PAG1: variants seen among roughly 807,000 people sequenced by gnomAD.
PAG1 encodes the protein phosphoprotein associated with glycosphingolipid-enriched microdomains 1.
Under a neutral mutation model 31.7 loss-of-function variants are expected in PAG1, and 23 were observed. That is an observed-to-expected ratio of 0.73 (90% confidence interval 0.52 to 1.03). The LOEUF (loss-of-function observed/expected upper bound fraction) is 1.03. PAG1 is among the 50% of genes least tolerant of loss of function. The pLI, the probability that PAG1 is intolerant of heterozygous loss-of-function variation, is 0.00. For missense variants in PAG1, 473 were observed against 540.7 expected (o/e 0.87, Z 1.24); for synonymous variants, 214 against 210.3 (o/e 1.02, Z -0.15).
chr8:80,984,058 C>T (rs1200069626), intron 7 of PAG1, among the ~76,000 whole-genome samples: 1 of 152,166 alleles, frequency 6.6e-6, no homozygotes. Flanking sequence ...AGAGAACCTT[C>T]CTCTTTTTCT....
intron 3 of PAG1, among the ~76,000 whole-genome samples, chr8:81,024,413 G>A (rs1299421368): frequency 1.3e-5 from 2 of 152,176 alleles, no homozygotes; most frequent in Non-Finnish European, 2.9e-5. Flanking sequence ...CCTCCAGGAT[G>A]GAGAGAATAC....
intron 2 of PAG1, among the ~76,000 whole-genome samples, chr8:81,048,810 T>C (rs540607908): frequency 6.6e-6 from 1 of 152,332 alleles, no homozygotes; most frequent in South Asian, 2.1e-4. Flanking sequence ...CCCATCTCCC[T>C]GCCTGGACAA....
chr8:81,025,985 C>T (rs558324721), intron 3 of PAG1, among the ~76,000 whole-genome samples: 15 of 152,234 alleles, frequency 9.9e-5, no homozygotes, highest in South Asian at 6.2e-4. Context: ...CGTGTTTAGA[C>T]GCATGGAGCC....
At chr8:80,979,880 G>T (rs79923821) in intron 8 of PAG1, among the ~76,000 whole-genome samples, 3 of 151,890 alleles carry the variant, frequency 2.0e-5, no homozygotes, top group Admixed American at 2.0e-4. Context: ...AATCTAACTC[G>T]TGAATTTTGC....
chr8:80,974,156 T>TC lies in PAG1; in HGVS notation c.*2387_*2388insG, dbSNP rs1381733791. 1.5e-5 allele frequency: 2 copies of TC among 136,260 alleles called. No homozygotes were observed. Among genetic ancestry groups the TC allele is most frequent in the African/African-American group, 2.9e-5 (1 of 34,460 alleles). 8.4% of individuals were successfully genotyped at this position (136,260 alleles called of 1,614,324 possible). ...TTTATGAGCTTTCTATAAAAAGTTT[T>TC]TTTTTTTTTTTTTTTTTTACTTTAG... On this transcript the variant is annotated 3_prime_UTR_variant, in exon 9 of 9. Coordinates refer to ENST00000220597, the MANE Select transcript of PAG1 (RefSeq NM_018440.4).
chr8:80,993,312 A>C lies in PAG1; in HGVS notation c.-80-5T>G. 1 of 1,374,902 alleles carries C rather than the reference A, an allele frequency of 7.3e-7. No homozygotes were observed. The highest frequency in any genetic ancestry group is 2.4e-5 in the East Asian group (1 of 41,782). The allele number at this position is 1,374,902 out of a possible 1,614,324, so 85.2% of individuals were successfully genotyped here. ...ATGGAGGCAGAGAGCTGTGTCCTGC[A>C]AAGAGACCAGTGCGTTTGGAGAGTA... On this transcript the variant is annotated splice_polypyrimidine_tract_variant and splice_region_variant and intron_variant, in intron 3 of 8. Transcript: ENST00000220597.
rs11303470 is a variant in PAG1, at chr8:80,991,858, CTT to C, written c.126-330_126-329del. ...CCTAAACTAGCAGAGTAAGTTATAC[CTT>C]TTTTTTTTTTTTTTTGAGAAAATGA... On this transcript the variant is annotated intron_variant, in intron 4 of 8. Transcript: ENST00000220597. 3.1e-3 allele frequency among the ~76,000 whole-genome samples: 434 copies of C among 138,706 alleles called. 1 individual carries two copies. The highest frequency in any genetic ancestry group is 0.01 in the African/African-American group (389 of 37,998). 91.0% of individuals were successfully genotyped at this position (138,706 alleles called of 152,430 possible). A position where few individuals can be genotyped will look rare whatever the true frequency, so the allele number is the denominator to read the frequency against.
intron 3 of PAG1, among the ~76,000 whole-genome samples, chr8:81,020,378 G>A (rs767445834): frequency 1.3e-5 from 2 of 152,154 alleles, no homozygotes. Flanking sequence ...ATCTTAAATT[G>A]TAGCTCCCAT....
chr8:81,059,908 T>C (rs1808890214), intron 2 of PAG1, among the ~76,000 whole-genome samples: 1 of 151,756 alleles, frequency 6.6e-6, no homozygotes, highest in Admixed American at 6.6e-5. Context: ...CCCAGCTACT[T>C]GTGGGGGGCT....
intron 3 of PAG1, among the ~76,000 whole-genome samples, chr8:80,998,897 T>G (rs1450302001): frequency 6.6e-6 from 1 of 152,168 alleles, no homozygotes; most frequent in African/African-American, 2.4e-5. Flanking sequence ...TGAAATATGG[T>G]CAAGGGCCCA....
At chr8:81,074,971 C>T (rs1463045668) in intron 1 of PAG1, among the ~76,000 whole-genome samples, 4 of 152,150 alleles carry the variant, frequency 2.6e-5, no homozygotes, top group Admixed American at 2.0e-4. Context: ...GGTTAGCAGG[C>T]TTAAAATTCA....
intron 5 of PAG1, among the ~76,000 whole-genome samples, chr8:80,989,203 G>A (rs1586146798): frequency 6.6e-6 from 1 of 152,126 alleles, no homozygotes; most frequent in Non-Finnish European, 1.5e-5. Flanking sequence ...GCTCATTCAC[G>A]TCTGATGAGC....
In PAG1 at chr8:80,975,187, C is replaced by A. The variant is rs1302677440; in HGVS notation, c.*1357G>T. ...TTGCAATATTGCCCACCATAAACCA[C>A]TGAAAATGATTATTTATGTATATTC... On this transcript the variant is annotated 3_prime_UTR_variant, in exon 9 of 9. Coordinates refer to ENST00000220597, the MANE Select transcript of PAG1 (RefSeq NM_018440.4). The A allele has an allele frequency of 6.6e-6, 1 of 152,174 alleles. No homozygotes were observed. Among genetic ancestry groups the A allele is most frequent in the African/African-American group, 2.4e-5 (1 of 41,438 alleles). 9.4% of individuals were successfully genotyped at this position (152,174 alleles called of 1,614,324 possible).
intron 2 of PAG1, among the ~76,000 whole-genome samples, chr8:81,048,319 A>G (rs182115945): frequency 1.9e-4 from 29 of 152,290 alleles, no homozygotes; most frequent in Admixed American, 7.9e-4. Context: ...TTTCTAGCAT[A>G]TAATACCTCT....
At position 80,976,549 on chromosome 8, in the gene PAG1, G is replaced by A. The variant is rs1807183364; in HGVS notation, c.1294C>T (p.Leu432Phe). Residue 432 changes from leucine to phenylalanine, a missense_variant, in exon 9 of 9, where the codon CTC (leucine) becomes TTC (phenylalanine). Physicochemically the swap from Leu to Phe is conservative, Grantham distance 22 (BLOSUM62 0). Transcript: ENST00000220597. ...DLQQGRDITR[L>F] ...CAGGGTTGTCTTCTGGGTTGCTAGA[G>A]CCTGGTAATATCTCTGCCTTGCTGC... is the stretch of plus-strand genomic sequence containing the variant. The A allele has an allele frequency of 1.2e-6, 2 of 1,609,774 alleles. No individual in the cohort carries two copies. Among genetic ancestry groups the A allele is most frequent in the Non-Finnish European group, 1.7e-6 (2 of 1,178,518 alleles).
intron 3 of PAG1, among the ~76,000 whole-genome samples, chr8:81,013,760 T>G (rs1283815548): frequency 6.6e-6 from 1 of 152,060 alleles, no homozygotes; most frequent in Non-Finnish European, 1.5e-5. Flanking sequence ...TTGTATTTTT[T>G]GTAGAGACAG....
intron 3 of PAG1, among the ~76,000 whole-genome samples, chr8:80,996,001 C>T (rs1807665361): frequency 6.6e-6 from 1 of 152,240 alleles, no homozygotes; most frequent in African/African-American, 2.4e-5. Context: ...GTCTATAAAG[C>T]CACTGAAAGA....
intron 1 of PAG1, among the ~76,000 whole-genome samples, chr8:81,083,010 T>C (rs955968008): frequency 6.6e-6 from 1 of 152,240 alleles, no homozygotes; most frequent in South Asian, 2.1e-4. Context: ...TATTATGTTA[T>C]GAGACTTTGG....
At chr8:81,085,457 G>A (rs538452734) in intron 1 of PAG1, among the ~76,000 whole-genome samples, 1 of 152,318 alleles carries the variant, frequency 6.6e-6, no homozygotes, top group East Asian at 1.9e-4. Flanking sequence ...GGTGCATTGT[G>A]TTCTGTGATC....
Sources: allele counts gnomAD v4.1 joint callset (sites outside exome capture counted in the v4.1 genomes callset), GRCh38; gene constraint gnomAD v4.1.1; transcripts MANE v1.5; gene names NCBI Gene and HGNC (gene_info 2026-07-23, HGNC 2026-07-21).